Variants in PCDHA6 observed in about 807,000 individuals in gnomAD.
PCDHA6 encodes the protein protocadherin alpha-6.
A neutral mutation model predicts 60.3 loss-of-function variants in PCDHA6; 55 were observed. The ratio of observed to expected loss-of-function variants is 0.91; its 90% confidence interval spans 0.73 to 1.14. The LOEUF (loss-of-function observed/expected upper bound fraction) is 1.14, where lower values mean the gene tolerates loss of function less well. PCDHA6 is among the 50% of genes most tolerant of loss of function. The pLI is 0.00. For synonymous variants in PCDHA6, 652 were observed against 557.9 expected, an observed-to-expected ratio of 1.17 and a Z score of -2.38; for missense variants, 1,327 against 1,256.5, an observed-to-expected ratio of 1.06 and a Z score of -0.85.
chr5:140,968,702 A>G, intron 1 of PCDHA6: 3 of 1,614,178 alleles, frequency 1.9e-6, no homozygotes, highest in Non-Finnish European at 2.5e-6. Flanking sequence ...TAGGACTACC[A>G]GGAAGATGGG....
At chr5:140,862,356 A>G in intron 1 of PCDHA6, 1 of 338,010 alleles carries the variant, frequency 3.0e-6, no homozygotes, top group Non-Finnish European at 5.8e-6. Context: ...GCCAAGGGAC[A>G]GACGACCCGC....
At chr5:140,915,469 A>G (rs2077137068) in intron 1 of PCDHA6, among the ~76,000 whole-genome samples, 1 of 152,034 alleles carries the variant, frequency 6.6e-6, no homozygotes, top group Admixed American at 6.6e-5. Context: ...TTTTTATTTG[A>G]AGGAGCTTGG....
Position 140,906,278 on chromosome 5 carries a change from C to T in PCDHA6, c.2395-72671C>T, listed in dbSNP as rs546102354. On this transcript the variant is annotated intron_variant, in intron 1 of 3. Coordinates refer to ENST00000529310, the MANE Select transcript of PCDHA6 (RefSeq NM_018909.4). ...ACCTCCTGAAATTATAGATAATCTT[C>T]AAATTAAGACAATAATAAGGTCATA... Among the ~76,000 whole-genome samples the T allele has an allele frequency of 4.6e-5, 7 of 152,270 alleles. No homozygotes were observed. In the South Asian group the frequency reaches 6.2e-4, roughly 14 times the overall value.
Position 140,982,534 on chromosome 5 carries a change from A to G in PCDHA6, c.2513A>G (p.Gln838Arg), listed in dbSNP as rs1554244431. Residue 838 changes from glutamine (Q) to arginine (R), a missense_variant, in exon 3 of 4, where the codon CAG becomes CGG. By Grantham distance (43) the Gln-to-Arg change is conservative. Transcript: ENST00000529310. ...GCTGGTCCAGGAGGGCCTGATCAGC[A>G]GTGGCCAACAGTATCCAGTGCAACA... ...LRAGPGGPDQ[Q>R]WPTVSSATPE... 1 of 1,614,222 alleles carries G rather than the reference A, an allele frequency of 6.2e-7. No homozygotes were observed. Among genetic ancestry groups the G allele is most frequent in the Non-Finnish European group, 8.5e-7 (1 of 1,180,036 alleles).
chr5:140,898,414 C>T (rs1554187972), intron 1 of PCDHA6, among the ~76,000 whole-genome samples: 1 of 152,170 alleles, frequency 6.6e-6, no homozygotes, highest in Non-Finnish European at 1.5e-5. Flanking sequence ...ATACGGCTAG[C>T]CAGTTTTCCC....
At chr5:140,849,947 G>C in intron 1 of PCDHA6, 1 of 1,597,838 alleles carries the variant, frequency 6.3e-7, no homozygotes, top group East Asian at 2.2e-5. Context: ...ACGCTGACGC[G>C]CAGGAGAACG....
chr5:140,987,122 G>A (rs1054053197), intron 3 of PCDHA6, among the ~76,000 whole-genome samples: 2 of 151,858 alleles, frequency 1.3e-5, no homozygotes, highest in African/African-American at 4.8e-5. Context: ...GCTGAGGCAG[G>A]AGAATTGCTT....
chr5:140,833,460 T>A (rs1440945863), intron 1 of PCDHA6, among the ~76,000 whole-genome samples: 1 of 152,148 alleles, frequency 6.6e-6, no homozygotes, highest in African/African-American at 2.4e-5. Context: ...AAAATAAACT[T>A]ACATTTTAAA....
intron 3 of PCDHA6, among the ~76,000 whole-genome samples, chr5:140,995,211 A>G (rs529613370): frequency 2.6e-5 from 4 of 152,188 alleles, no homozygotes; most frequent in Non-Finnish European, 4.4e-5. Context: ...ATTAGGCACA[A>G]TACTCTTGTG....
chr5:140,856,923 T>A (rs1178891192), intron 1 of PCDHA6: 1 of 1,595,300 alleles, frequency 6.3e-7, no homozygotes, highest in Non-Finnish European at 8.6e-7. Flanking sequence ...AGAAGGAAAT[T>A]TTGGATAAAC....
intron 1 of PCDHA6, chr5:140,884,420 T>A: frequency 1.2e-6 from 2 of 1,613,972 alleles, no homozygotes; most frequent in Non-Finnish European, 8.5e-7. Context: ...GTTGCTGCTG[T>A]ATACTGCGCT....
chr5:140,976,623 A>T (rs2096725019), intron 1 of PCDHA6, among the ~76,000 whole-genome samples: 1 of 152,206 alleles, frequency 6.6e-6, no homozygotes, highest in Non-Finnish European at 1.5e-5. Context: ...CTGTCAGCTG[A>T]ACTCAGCAAT....
At chr5:141,005,562 C>T (rs928721111) in intron 3 of PCDHA6, among the ~76,000 whole-genome samples, 2 of 151,226 alleles carry the variant, frequency 1.3e-5, no homozygotes, top group Admixed American at 6.6e-5. Flanking sequence ...ATTAGCCGGG[C>T]ATGGTGGCGC....
intron 1 of PCDHA6, among the ~76,000 whole-genome samples, chr5:140,922,817 G>A (rs1554200973): frequency 1.3e-5 from 2 of 152,218 alleles, no homozygotes; most frequent in Non-Finnish European, 2.9e-5. Context: ...AGGAGATACA[G>A]CATACTGCTA....
At chr5:140,892,950 C>G (rs553307667) in intron 1 of PCDHA6, among the ~76,000 whole-genome samples, 21 of 152,188 alleles carry the variant, frequency 1.4e-4, no homozygotes, top group Non-Finnish European at 2.9e-4. Context: ...AATACTACTT[C>G]CATGAGCTCA....
At chr5:140,852,973 T>G (rs2150526500) in intron 1 of PCDHA6, 26 of 368,004 alleles carry the variant, frequency 7.1e-5, no homozygotes, top group Non-Finnish European at 9.8e-5. Flanking sequence ...CCCCCTCCCG[T>G]GTTCACGCCA....
intron 1 of PCDHA6, among the ~76,000 whole-genome samples, chr5:140,916,423 G>A (rs915446945): frequency 6.6e-6 from 1 of 152,174 alleles, no homozygotes; most frequent in Non-Finnish European, 1.5e-5. Context: ...GCACATCTCA[G>A]AACCTAAGGC....
At chr5:140,842,322 G>A in intron 1 of PCDHA6, 1 of 1,607,612 alleles carries the variant, frequency 6.2e-7, no homozygotes, top group Non-Finnish European at 8.5e-7. Flanking sequence ...GCGGGTCATT[G>A]CACCGTTTTA....
chr5:140,869,587 A>G (rs1581901588), intron 1 of PCDHA6: 1 of 1,614,158 alleles, frequency 6.2e-7, no homozygotes, highest in African/African-American at 1.3e-5. Flanking sequence ...TGATGCTGAC[A>G]TTGAAGAGAA....
Sources: gnomAD v4.1 joint callset for allele counts (sites outside exome capture counted in the v4.1 genomes callset) on GRCh38, gnomAD v4.1.1 for gene constraint, MANE v1.5 for transcripts, NCBI Gene and HGNC (gene_info 2026-07-23, HGNC 2026-07-21) for gene names.